Variants in GPR157 observed in about 807,000 individuals in gnomAD.
The protein encoded by GPR157 is G-protein coupled receptor 157.
A neutral mutation model predicts 23.5 loss-of-function variants in GPR157; 16 were observed. That is an observed-to-expected ratio of 0.68 (90% CI 0.46 to 1.04). GPR157 has a LOEUF of 1.04. Ranked by LOEUF, GPR157 falls within the 50% of genes least tolerant of loss-of-function variation. The probability of loss-of-function intolerance (pLI) is 0.00; values close to 1 mark genes in which losing one functional copy is unlikely to be tolerated. For missense variants in GPR157, 440 were observed against 460.7 expected (o/e 0.96, Z 0.41); for synonymous variants, 200 against 221.5 (o/e 0.90, Z 0.86).
At chr1:9,123,412 A>G (rs1638871844) in intron 1 of GPR157, among the ~76,000 whole-genome samples, 1 of 88,722 alleles carries the variant, frequency 1.1e-5, no homozygotes, top group Admixed American at 1.5e-4. Flanking sequence ...TTTAATTTAA[A>G]TACATATTAA....
rs772368441 is a variant in GPR157, at chr1:9,111,291, C to T, written c.582G>A (p.Lys194=). The T allele has an allele frequency of 6.2e-7, 1 of 1,614,070 alleles. No homozygotes were observed. Among genetic ancestry groups the T allele is most frequent in the African/African-American group, 1.3e-5 (1 of 74,932 alleles). Residue 194 remains lysine (K), a synonymous_variant, in exon 2 of 4, where the codon AAG becomes AAA. Transcript: ENST00000377411. ...CAGCGCCTACCGCTCTGTTGATGTG[C>T]TTCCGGACCAGGAGGTACAGCAGAG... is the stretch of plus-strand genomic sequence containing the variant. ...LLPLLYLLVR[K]HINRAHTALS...
Position 9,105,284 on chromosome 1 carries a change from C to A in GPR157, c.792+202G>T, listed in dbSNP as rs527632804. Among the ~76,000 whole-genome samples, 1 of 152,118 alleles carries A rather than the reference C, an allele frequency of 6.6e-6. No homozygotes were observed. The highest frequency in any genetic ancestry group is 1.5e-5 in the Non-Finnish European group (1 of 68,016). ...GTCACTGGTGAGCACCTCACCACCCCGGACCACACTGATCCCACTCTGCCT... is the reference window on the plus strand; with the variant it reads ...GTCACTGGTGAGCACCTCACCACCCAGGACCACACTGATCCCACTCTGCCT... On this transcript the variant is annotated intron_variant, in intron 3 of 3. Coordinates refer to ENST00000377411, the MANE Select transcript of GPR157 (RefSeq NM_024980.5). The surrounding 1 kb of genome is among the most constrained non-coding windows in gnomAD (Gnocchi z 4.8).
chr1:9,127,566 C>T (rs1232775897), intron 1 of GPR157, among the ~76,000 whole-genome samples: 1 of 152,054 alleles, frequency 6.6e-6, no homozygotes, highest in Non-Finnish European at 1.5e-5. Flanking sequence ...TGATGTGTTG[C>T]AAAGATTTTT....
intron 2 of GPR157, among the ~76,000 whole-genome samples, chr1:9,107,348 AT>A (rs939357105): frequency 6.6e-6 from 1 of 152,028 alleles, no homozygotes; most frequent in Non-Finnish European, 1.5e-5. Context: ...TGAACACGTG[AT>A]TTTTTTTGGC....
chr1:9,128,940 C>T lies in GPR157; in HGVS notation c.88G>A (p.Gly30Ser), dbSNP rs763003893. 1.3e-6 allele frequency: 2 copies of T among 1,515,572 alleles called. No individual in the cohort carries two copies. The highest frequency in any genetic ancestry group is 2.4e-5 in the South Asian group (2 of 82,018). 93.9% of individuals were successfully genotyped at this position (1,515,572 alleles called of 1,614,324 possible). ...AGGGCGTGCGTGGCCACCAGCAGGC[C>T]CGAGCCGAGCGCGGAGAGTGCGCAC... ...LSCALSALGS[G>S]LLVATHALWP... The change falls in exon 1 of 4, where the codon GGC becomes AGC. Residue 30 changes from glycine (G) to serine (S), a missense_variant. Physicochemically the swap from Gly to Ser is moderately conservative, Grantham distance 56. Coordinates refer to ENST00000377411, the MANE Select transcript of GPR157 (RefSeq NM_024980.5). The surrounding 1 kb of genome is among the most constrained non-coding windows in gnomAD (Gnocchi z 6.3).
intron 2 of GPR157, 49 bp downstream of exon 2, chr1:9,111,226 TG>T (rs755988031): frequency 6.4e-7 from 1 of 1,569,712 alleles, no homozygotes; most frequent in Non-Finnish European, 8.8e-7. Context: ...GCCTTGCACC[TG>T]GGCACAGCGG....
Position 9,105,571 on chromosome 1 carries a change from C to T in GPR157, c.707G>A (p.Gly236Asp), listed in dbSNP as rs762486448. The T allele has an allele frequency of 6.8e-6, 11 of 1,608,692 alleles. No individual in the cohort carries two copies. Among genetic ancestry groups the T allele is most frequent in the African/African-American group, 1.3e-5 (1 of 74,910 alleles). ...CCGCACGGTGCTCCAGACCCTGAGG[C>T]CGATGAAGATGAGCGGGATGAGCAC... The part of the protein sequence containing the change: ...KLVLIPLIFI[G>D]LRVWSTVRFV... The change falls in exon 3 of 4, where the codon GGC becomes GAC. Residue 236 changes from glycine (G) to aspartate (D), a missense_variant. By Grantham distance (94) the Gly-to-Asp change is moderately conservative. Transcript: ENST00000377411. The surrounding 1 kb of genome is among the most constrained non-coding windows in gnomAD (Gnocchi z 4.8).
chr1:9,104,313 C>A lies in GPR157; in HGVS notation c.*106G>T. 1.3e-6 allele frequency: 1 copy of A among 799,650 alleles called. No homozygotes were observed. 49.5% of individuals were successfully genotyped at this position (799,650 alleles called of 1,614,324 possible). ...GAGCCGAGAGCATCAATAGCGGGGG[C>A]TTCTGGTGCAGCAGACATGCACTTC... On this transcript the variant is annotated 3_prime_UTR_variant, in exon 4 of 4. Transcript: ENST00000377411.
chr1:9,105,003 A>AC lies in GPR157; in HGVS notation c.793-370dup, dbSNP rs57717142. On this transcript the variant is annotated intron_variant, in intron 3 of 3. Transcript: ENST00000377411. The surrounding 1 kb of genome is among the most constrained non-coding windows in gnomAD (Gnocchi z 4.8). ...TGACAAAGCCAGACTCTGTCCCCGC[A>AC]CCCCCCCCCAAAAAAGAGAAATGGC... Among the ~76,000 whole-genome samples, 52,091 of 108,944 alleles carry AC rather than the reference A, an allele frequency of 0.48. 13,738 individuals carry two copies. Among genetic ancestry groups the AC allele is most frequent in the Non-Finnish European group, 0.53 (28,593 of 53,508 alleles). 71.5% of individuals were successfully genotyped at this position (108,944 alleles called of 152,430 possible).
At chr1:9,122,706 G>C (rs932057554) in intron 1 of GPR157, among the ~76,000 whole-genome samples, 1 of 152,030 alleles carries the variant, frequency 6.6e-6, no homozygotes, top group African/African-American at 2.4e-5. Context: ...ATAAAATACC[G>C]GGACTGTACT....
intron 1 of GPR157, among the ~76,000 whole-genome samples, chr1:9,117,628 G>C (rs867605291): frequency 2.6e-5 from 4 of 152,174 alleles, no homozygotes; most frequent in Admixed American, 1.3e-4. Context: ...CGGACGTGGT[G>C]GTGGGCACCT....
chr1:9,124,532 C>T (rs555401373), intron 1 of GPR157, among the ~76,000 whole-genome samples: 7 of 152,246 alleles, frequency 4.6e-5, no homozygotes, highest in African/African-American at 7.2e-5. Flanking sequence ...AGCCTATAAA[C>T]GGACTCATGG....
In GPR157 at chr1:9,128,992, C is replaced by T; in HGVS notation, c.36G>A (p.Pro12=). ...ACAGCAGCACCACGGCGCGCTCCGA[C>T]GGCACCAGCTCGGTGGGCGGCGGGG... is the stretch of plus-strand genomic sequence containing the variant. ...QPSPPPTELV[P]SERAVVLLSC... is the part of the protein sequence containing the mutation. Residue 12 remains proline (P), a synonymous_variant, in exon 1 of 4, where the codon CCG becomes CCA. Coordinates refer to ENST00000377411, the MANE Select transcript of GPR157 (RefSeq NM_024980.5). This position sits in a 1 kb window ranked among gnomAD's most constrained non-coding sequence, Gnocchi z 6.3. 1.5e-6 allele frequency: 2 copies of T among 1,352,672 alleles called. No individual in the cohort carries two copies. Among genetic ancestry groups the T allele is most frequent in the East Asian group, 3.0e-5 (1 of 33,134 alleles). 83.8% of individuals were successfully genotyped at this position (1,352,672 alleles called of 1,614,324 possible).
At chr1:9,110,554 C>T (rs1638461002) in intron 2 of GPR157, among the ~76,000 whole-genome samples, 1 of 152,224 alleles carries the variant, frequency 6.6e-6, no homozygotes, top group East Asian at 1.9e-4. Context: ...ACTAAAATAA[C>T]ATACAGAATG....
At chr1:9,125,014 C>T (rs1029296799) in intron 1 of GPR157, among the ~76,000 whole-genome samples, 26 of 152,122 alleles carry the variant, frequency 1.7e-4, no homozygotes, top group Admixed American at 1.7e-3. Flanking sequence ...GGCGACCCCC[C>T]TGTTGGACCC....
At position 9,100,505 on chromosome 1, in the gene GPR157, T is replaced by C. The variant is rs1265116940; in HGVS notation, c.*3914A>G. 6.6e-6 allele frequency: 1 copy of C among 152,162 alleles called. No individual in the cohort carries two copies. Among genetic ancestry groups the C allele is most frequent in the Non-Finnish European group, 1.5e-5 (1 of 68,036 alleles). 9.4% of individuals were successfully genotyped at this position (152,162 alleles called of 1,614,324 possible). ...CTCAGCCTGGGCCAAATAATCATCTTTATTTAAAAACAAAACAGAACAAAC... is the reference window on the plus strand; with the variant it reads ...CTCAGCCTGGGCCAAATAATCATCTCTATTTAAAAACAAAACAGAACAAAC... On this transcript the variant is annotated 3_prime_UTR_variant, in exon 4 of 4. Transcript: ENST00000377411.
At chr1:9,124,989 A>C (rs1421483963) in intron 1 of GPR157, among the ~76,000 whole-genome samples, 1 of 152,084 alleles carries the variant, frequency 6.6e-6, no homozygotes, top group African/African-American at 2.4e-5. Flanking sequence ...TATCCAGTGC[A>C]TTGTTGGCAC....
At chr1:9,108,507 T>C (rs896347836) in intron 2 of GPR157, among the ~76,000 whole-genome samples, 1 of 152,168 alleles carries the variant, frequency 6.6e-6, no homozygotes, top group African/African-American at 2.4e-5. Context: ...GGGCAGGGCC[T>C]GGCGGAGTGC....
In GPR157 at chr1:9,105,797, G is replaced by T; in HGVS notation, c.598-117C>A. ...TAGCTCAGGGAGGTAGGGGAGATGTGTGGTGGAGCCCGGATCCTTCTCCTG... is the reference window on the plus strand; with the variant it reads ...TAGCTCAGGGAGGTAGGGGAGATGTTTGGTGGAGCCCGGATCCTTCTCCTG... On this transcript the variant is annotated intron_variant, in intron 2 of 3. Transcript: ENST00000377411. The surrounding 1 kb of genome is among the most constrained non-coding windows in gnomAD (Gnocchi z 4.8). The T allele has an allele frequency of 1.2e-6, 1 of 814,112 alleles. No homozygotes were observed. The highest frequency in any genetic ancestry group is 1.9e-6 in the Non-Finnish European group (1 of 519,604). The allele number at this position is 814,112 out of a possible 1,614,324, so 50.4% of individuals were successfully genotyped here. A position where few individuals can be genotyped will look rare whatever the true frequency, so the allele number is the denominator to read the frequency against.
Sources: gnomAD v4.1 joint callset for allele counts (sites outside exome capture counted in the v4.1 genomes callset) on GRCh38, gnomAD v4.1.1 for gene constraint, Gnocchi (gnomAD v3.1) non-coding constraint, MANE v1.5 for transcripts, NCBI Gene and HGNC (gene_info 2026-07-23, HGNC 2026-07-21) for gene names.